Variants in ATAD1 observed in about 807,000 individuals in gnomAD.
ATAD1 encodes the protein outer mitochondrial transmembrane helix translocase.
Under a neutral mutation model 42.7 loss-of-function variants are expected in ATAD1, and 18 were observed. That is an observed-to-expected ratio of 0.42 (90% CI 0.29 to 0.63). The LOEUF is 0.63. ATAD1 is among the 20% of genes least tolerant of loss of function. The pLI is 0.19. For synonymous variants in ATAD1, 132 were observed against 143.1 expected, an observed-to-expected ratio of 0.92 and a Z score of 0.55; for missense variants, 294 against 440.4, an observed-to-expected ratio of 0.67 and a Z score of 2.98.
chr10:87,811,280 C>G (rs1857167948), intron 2 of ATAD1, among the ~76,000 whole-genome samples: 1 of 152,068 alleles, frequency 6.6e-6, no homozygotes, highest in South Asian at 2.1e-4. Context: ...GTACAGCGAG[C>G]TGAGATTGTA....
At chr10:87,796,366 T>C (rs1856387955) in intron 2 of ATAD1, among the ~76,000 whole-genome samples, 2 of 152,206 alleles carry the variant, frequency 1.3e-5, no homozygotes, top group Admixed American at 6.5e-5. Context: ...GGGATAAATG[T>C]ATATCTTACT....
At chr10:87,810,354 A>AT (rs2132044400) in intron 2 of ATAD1, among the ~76,000 whole-genome samples, 1 of 151,950 alleles carries the variant, frequency 6.6e-6, no homozygotes, top group African/African-American at 2.4e-5. Flanking sequence ...TTTTGCATTT[A>AT]TTTTGGCACA....
At chr10:87,774,432 T>C (rs1327951288) in intron 6 of ATAD1, among the ~76,000 whole-genome samples, 2 of 152,240 alleles carry the variant, frequency 1.3e-5, no homozygotes, top group African/African-American at 4.8e-5. Context: ...GATTTTCTAA[T>C]CCAATTAGAA....
At chr10:87,795,196 GA>G (rs1856323590) in intron 2 of ATAD1, among the ~76,000 whole-genome samples, 1 of 152,062 alleles carries the variant, frequency 6.6e-6, no homozygotes, top group Non-Finnish European at 1.5e-5. Flanking sequence ...ATATTTTGCT[GA>G]AACACTAATA....
intron 1 of ATAD1, among the ~76,000 whole-genome samples, chr10:87,834,072 G>A (rs1857887092): frequency 1.3e-5 from 2 of 152,084 alleles, no homozygotes; most frequent in African/African-American, 4.8e-5. Flanking sequence ...CCTCTTTACT[G>A]TAGTAATATG....
chr10:87,763,837 CAT>C (rs1564741512), intron 8 of ATAD1, among the ~76,000 whole-genome samples: 1 of 151,946 alleles, frequency 6.6e-6, no homozygotes, highest in Non-Finnish European at 1.5e-5. Flanking sequence ...CCCAGAAAGA[CAT>C]ATATGCCTTT....
chr10:87,790,177 T>A, intron 4 of ATAD1, 133 bp downstream of exon 4: 1 of 995,038 alleles, frequency 1.0e-6, no homozygotes, highest in South Asian at 1.8e-5. Context: ...GCAATTATTT[T>A]AAGAAACTGT....
chr10:87,776,867 C>T (rs547656215), intron 5 of ATAD1, among the ~76,000 whole-genome samples: 32 of 152,058 alleles, frequency 2.1e-4, no homozygotes, highest in African/African-American at 7.5e-4. Context: ...CTGGTCTGAT[C>T]ACTATATACT....
chr10:87,781,438 A>G (rs537756919), intron 5 of ATAD1, among the ~76,000 whole-genome samples: 1 of 152,350 alleles, frequency 6.6e-6, no homozygotes, highest in African/African-American at 2.4e-5. Context: ...TTTATAATCT[A>G]CTCAAAAATT....
At chr10:87,830,207 C>G (rs1554887212) in intron 1 of ATAD1, among the ~76,000 whole-genome samples, 1 of 152,130 alleles carries the variant, frequency 6.6e-6, no homozygotes, top group Non-Finnish European at 1.5e-5. Context: ...ATAGTAAGGG[C>G]CAGATCAAAA....
chr10:87,788,376 C>T (rs919236999), intron 4 of ATAD1, among the ~76,000 whole-genome samples: 2 of 152,192 alleles, frequency 1.3e-5, no homozygotes, highest in African/African-American at 4.8e-5. Context: ...TGCTTCTATA[C>T]ACCAATATCC....
At chr10:87,823,902 T>G (rs1010194426) in intron 1 of ATAD1, among the ~76,000 whole-genome samples, 2 of 152,212 alleles carry the variant, frequency 1.3e-5, no homozygotes, top group African/African-American at 4.8e-5. Flanking sequence ...GTTTCTCTAA[T>G]AGCCAGAATA....
At chr10:87,768,706 C>T (rs953696232) in intron 7 of ATAD1, among the ~76,000 whole-genome samples, 17 of 152,180 alleles carry the variant, frequency 1.1e-4, no homozygotes, top group Non-Finnish European at 2.2e-4. Context: ...ATTTTGATTA[C>T]TCACACGACA....
intron 1 of ATAD1, among the ~76,000 whole-genome samples, chr10:87,824,491 G>A (rs561771421): frequency 6.6e-6 from 1 of 152,248 alleles, no homozygotes; most frequent in East Asian, 1.9e-4. Flanking sequence ...ATTTAATATG[G>A]GAACAGTAAC....
At chr10:87,819,489 T>C (rs1052583250), upstream of ATAD1, among the ~76,000 whole-genome samples, 20 of 152,142 alleles carry the variant, frequency 1.3e-4, no homozygotes, top group African/African-American at 4.8e-4. Flanking sequence ...CGAATGTTAC[T>C]AGTTACAAAC....
At chr10:87,806,088 G>T (rs968332689) in intron 2 of ATAD1, among the ~76,000 whole-genome samples, 2 of 152,072 alleles carry the variant, frequency 1.3e-5, no homozygotes, top group Admixed American at 6.6e-5. Context: ...AATTATATTT[G>T]CCACCCCACA....
At chr10:87,802,436 C>A (rs1856742834) in intron 2 of ATAD1, among the ~76,000 whole-genome samples, 1 of 152,068 alleles carries the variant, frequency 6.6e-6, no homozygotes, top group Non-Finnish European at 1.5e-5. Flanking sequence ...GGTACAAATC[C>A]ATGGCTGGGC....
intron 8 of ATAD1, among the ~76,000 whole-genome samples, chr10:87,758,573 A>G (rs1854333147): frequency 2.0e-5 from 3 of 152,156 alleles, no homozygotes; most frequent in South Asian, 2.1e-4. Flanking sequence ...AATAGACAAT[A>G]CTTATGCTAA....
chr10:87,835,810 T>C (rs1184516057), intron 1 of ATAD1, among the ~76,000 whole-genome samples: 1 of 152,202 alleles, frequency 6.6e-6, no homozygotes, highest in Non-Finnish European at 1.5e-5. Context: ...TTTGACTATG[T>C]GTCCTTGTTA....
Sources: allele counts gnomAD v4.1 joint callset (sites outside exome capture counted in the v4.1 genomes callset), GRCh38; gene constraint gnomAD v4.1.1; transcripts MANE v1.5; gene names NCBI Gene and HGNC (gene_info 2026-07-23, HGNC 2026-07-21).